KIRREL3: variants seen among roughly 807,000 people sequenced by gnomAD.
KIRREL3 encodes kin of IRRE-like protein 3.
Under a neutral mutation model 89.7 loss-of-function variants are expected in KIRREL3, and 36 were observed. The observed-to-expected ratio is 0.40, with a 90% CI of 0.31 to 0.53. The LOEUF (loss-of-function observed/expected upper bound fraction) is 0.53. Among genes scored for constraint, KIRREL3 ranks in the 20% least tolerant of loss-of-function variants. The probability of loss-of-function intolerance (pLI) is 0.49; values close to 1 mark genes in which losing one functional copy is unlikely to be tolerated. For synonymous variants in KIRREL3, 445 were observed against 441.4 expected (o/e 1.01, Z -0.10); for missense variants, 864 against 1,056.6 (o/e 0.82, Z 2.53).
rs76699027 is a variant in KIRREL3 at position 126,432,347 on chromosome 11, C to T, written c.1589-821G>A. 4.6e-5 allele frequency among the ~76,000 whole-genome samples: 7 copies of T among 152,232 alleles called. No homozygotes were observed. Among genetic ancestry groups the T allele is most frequent in the African/African-American group, 9.6e-5 (4 of 41,540 alleles). ...GGGACAGGGAGGGTAAGGATAGAGT[C>T]GGGGGTGATCTTCCACACAGCCTTG... On this transcript the variant is annotated intron_variant, in intron 13 of 16. Transcript: ENST00000525144. The surrounding 1 kb of genome is among the most constrained non-coding windows in gnomAD (Gnocchi z 6.2).
In KIRREL3 at chr11:126,571,664, T is replaced by A. The variant is rs1486565672; in HGVS notation, c.56-8752A>T. Among the ~76,000 whole-genome samples, 1 of 152,212 alleles carries A rather than the reference T, an allele frequency of 6.6e-6. No individual in the cohort carries two copies. The highest frequency in any genetic ancestry group is 1.9e-4 in the East Asian group (1 of 5,206). On this transcript the variant is annotated intron_variant, in intron 1 of 16. Transcript: ENST00000525144. This position sits in a 1 kb window ranked among gnomAD's most constrained non-coding sequence, Gnocchi z 7.7. ...CCGAGGATCCAAAAGGTTACAAAAC[T>A]TCCCCAAGGTCACATTGCTAGTAAG...
chr11:126,456,715 C>T (rs1956356868), intron 6 of KIRREL3, among the ~76,000 whole-genome samples: 1 of 152,146 alleles, frequency 6.6e-6, no homozygotes, highest in South Asian at 2.1e-4. Flanking sequence ...GGCTTGGGCC[C>T]AGGGGTTTCC....
In KIRREL3 at chr11:126,436,880, T is replaced by C. The variant is rs779805437; in HGVS notation, c.1483A>G (p.Thr495Ala). 6.2e-7 allele frequency: 1 copy of C among 1,613,566 alleles called. No individual in the cohort carries two copies. The highest frequency in any genetic ancestry group is 8.5e-7 in the Non-Finnish European group (1 of 1,179,868). Residue 495 changes from threonine to alanine, a missense_variant, in exon 12 of 17, where the codon ACC becomes GCC. Transcript: ENST00000525144. ...ISNIVRADFQ[T>A]IYNCTAWNSF... ...TTCCAGGCCGTGCAGTTGTAGATGGTCTGGAAGTCGGCCCGCACGATGTTG... is the reference window on the plus strand; with the variant it reads ...TTCCAGGCCGTGCAGTTGTAGATGGCCTGGAAGTCGGCCCGCACGATGTTG...
rs1440433049 is a variant in KIRREL3 at position 126,682,236 on chromosome 11, A to G, written c.56-119324T>C. 1.8e-5 allele frequency: 4 copies of G among 216,798 alleles called. No homozygotes were observed. The East Asian group carries it at 4.5e-4, about 24-fold the overall frequency. The allele number at this position is 216,798 out of a possible 1,614,324, so 13.4% of individuals were successfully genotyped here. ...AAGACTCAAAATCAATTGCTGAAAC[A>G]CTTCTTAAATGTGTTCCCTCCTATG... On this transcript the variant is annotated intron_variant, in intron 1 of 16. Transcript: ENST00000525144. This position sits in a 1 kb window ranked among gnomAD's most constrained non-coding sequence, Gnocchi z 4.8.
Position 126,574,619 on chromosome 11 carries a change from T to C in KIRREL3, c.56-11707A>G, listed in dbSNP as rs1284562561. Among the ~76,000 whole-genome samples, 2 of 152,166 alleles carry C rather than the reference T, an allele frequency of 1.3e-5. No homozygotes were observed. The highest frequency in any genetic ancestry group is 1.5e-5 in the Non-Finnish European group (1 of 68,022). On this transcript the variant is annotated intron_variant, in intron 1 of 16. Coordinates refer to ENST00000525144, the MANE Select transcript of KIRREL3 (RefSeq NM_032531.4). The surrounding 1 kb of genome is among the most constrained non-coding windows in gnomAD (Gnocchi z 5.3). ...CCAGAGAAGTGACCCCTTTTGGGGT[T>C]ATCCAATCTAGCAGCCCCACCAGAG... is the stretch of plus-strand genomic sequence containing the variant.
At position 126,485,680 on chromosome 11, in the gene KIRREL3, C is replaced by CAG. The variant is rs137880298; in HGVS notation, c.434-12216_434-12215dup. Among the ~76,000 whole-genome samples, 3,473 of 152,306 alleles carry CAG rather than the reference C, an allele frequency of 0.023. 140 individuals are homozygous for CAG. Among genetic ancestry groups the CAG allele is most frequent in the African/African-American group, 0.075 (3,101 of 41,530 alleles). ...TTTAATAAGTAACTCCACATGGGGG[C>CAG]AGAGTAGCATATTGCATGTGAAATG... is the stretch of plus-strand genomic sequence containing the variant. On this transcript the variant is annotated intron_variant, in intron 4 of 16. Transcript: ENST00000525144. This position sits in a 1 kb window ranked among gnomAD's most constrained non-coding sequence, Gnocchi z 5.8.
intron 1 of KIRREL3, among the ~76,000 whole-genome samples, chr11:126,602,471 C>G (rs574664011): frequency 5.3e-5 from 8 of 152,326 alleles, no homozygotes; most frequent in Non-Finnish European, 8.8e-5. Context: ...TCACTTGATC[C>G]TCACAACCAT....
intron 1 of KIRREL3, among the ~76,000 whole-genome samples, chr11:126,959,363 A>G (rs551032267): frequency 1.3e-5 from 2 of 152,296 alleles, no homozygotes; most frequent in Admixed American, 1.3e-4. Flanking sequence ...GAGTGTGCAC[A>G]CACACATACA....
intron 2 of KIRREL3, among the ~76,000 whole-genome samples, chr11:126,554,446 G>C (rs1051419268): frequency 6.6e-6 from 1 of 152,200 alleles, no homozygotes; most frequent in African/African-American, 2.4e-5. Context: ...AGTGCCCGCT[G>C]CCTGTGTTAC....
chr11:126,923,812 G>T (rs1377470468), intron 1 of KIRREL3, among the ~76,000 whole-genome samples: 1 of 152,114 alleles, frequency 6.6e-6, no homozygotes, highest in African/African-American at 2.4e-5. Context: ...CATAGAACAG[G>T]TTTCTCTACT....
rs1016930697 is a variant in KIRREL3 at position 126,843,900 on chromosome 11, G to C, written c.55+156555C>G. Among the ~76,000 whole-genome samples, 1 of 152,148 alleles carries C rather than the reference G, an allele frequency of 6.6e-6. No homozygotes were observed. The highest frequency in any genetic ancestry group is 1.5e-5 in the Non-Finnish European group (1 of 68,046). On this transcript the variant is annotated intron_variant, in intron 1 of 16. Transcript: ENST00000525144. This position sits in a 1 kb window ranked among gnomAD's most constrained non-coding sequence, Gnocchi z 4.6. Reference sequence around the variant, plus strand: ...AAGTTACCCTACCTGGGCTCAAAAGGGGAGGCATGAATAATCCCCTTGTTT... The same window carrying C: ...AAGTTACCCTACCTGGGCTCAAAAGCGGAGGCATGAATAATCCCCTTGTTT...
At chr11:126,787,275 C>T (rs1472246444) in intron 1 of KIRREL3, among the ~76,000 whole-genome samples, 2 of 152,046 alleles carry the variant, frequency 1.3e-5, no homozygotes, top group African/African-American at 4.8e-5. Context: ...AAGACATGGA[C>T]CAGAAAAAGA....
rs975862667 is a variant in KIRREL3, at chr11:126,519,484, A to G, written c.433+1831T>C. On this transcript the variant is annotated intron_variant, in intron 4 of 16. Transcript: ENST00000525144. This position sits in a 1 kb window ranked among gnomAD's most constrained non-coding sequence, Gnocchi z 4.3. ...TACGTTGGACTTTTTTACGTAACGT[A>G]GAGTTGAGAGGAAAGGAAGTGTAAT... is the stretch of plus-strand genomic sequence containing the variant. Among the ~76,000 whole-genome samples, 2 of 152,240 alleles carry G rather than the reference A, an allele frequency of 1.3e-5. No homozygotes were observed. Among genetic ancestry groups the G allele is most frequent in the African/African-American group, 4.8e-5 (2 of 41,458 alleles).
intron 1 of KIRREL3, among the ~76,000 whole-genome samples, chr11:126,907,415 C>T (rs556994273): frequency 2.0e-5 from 3 of 152,308 alleles, no homozygotes; most frequent in Middle Eastern, 6.8e-3. Flanking sequence ...AATTGAAAGG[C>T]AGGGTCATTT....
chr11:126,717,993 T>G (rs990739684), intron 1 of KIRREL3, among the ~76,000 whole-genome samples: 1 of 152,130 alleles, frequency 6.6e-6, no homozygotes, highest in Non-Finnish European at 1.5e-5. Flanking sequence ...GAACTCTACA[T>G]TTTTTCATTG....
rs1187860143 is a variant in KIRREL3 at position 126,445,019 on chromosome 11, A to G, written c.1212T>C (p.Arg404=). The stretch of plus-strand genomic sequence containing the variant: ...TCACCTCTCTCTCCCCGGCTCCCAC[A>G]CGGGGCACCACAGCCCGGCACACGT... ...GKYVCRAVVP[R]VGAGEREVTL... Residue 404 remains arginine, a synonymous_variant, in exon 10 of 17, where the codon CGT becomes CGC. Transcript: ENST00000525144. The G allele has an allele frequency of 4.3e-6, 7 of 1,613,702 alleles. No homozygotes were observed. The highest frequency in any genetic ancestry group is 5.9e-6 in the Non-Finnish European group (7 of 1,179,814).
intron 7 of KIRREL3, among the ~76,000 whole-genome samples, chr11:126,453,199 G>C (rs1168003482): frequency 6.6e-6 from 1 of 152,130 alleles, no homozygotes; most frequent in Non-Finnish European, 1.5e-5. Flanking sequence ...AGAATCAGGG[G>C]GGCTGGCGTG....
rs1417703438 is a variant in KIRREL3, at chr11:126,620,979, T to C, written c.56-58067A>G. Among the ~76,000 whole-genome samples, 6 of 152,180 alleles carry C rather than the reference T, an allele frequency of 3.9e-5. No homozygotes were observed. Among genetic ancestry groups the C allele is most frequent in the African/African-American group, 1.2e-4 (5 of 41,434 alleles). On this transcript the variant is annotated intron_variant, in intron 1 of 16. Coordinates refer to ENST00000525144, the MANE Select transcript of KIRREL3 (RefSeq NM_032531.4). The surrounding 1 kb of genome is among the most constrained non-coding windows in gnomAD (Gnocchi z 4.8). ...CTGTGTGCCTGACTTGCAGACTTCTTAAGAGCAGGGCACAGAGAGACTGGA... is the reference window on the plus strand; with the variant it reads ...CTGTGTGCCTGACTTGCAGACTTCTCAAGAGCAGGGCACAGAGAGACTGGA...
Position 126,427,728 on chromosome 11 carries a change from T to G in KIRREL3, c.1806+1451A>C, listed in dbSNP as rs1442695715. Among the ~76,000 whole-genome samples the G allele has an allele frequency of 6.6e-6, 1 of 152,008 alleles. No homozygotes were observed. Among genetic ancestry groups the G allele is most frequent in the Non-Finnish European group, 1.5e-5 (1 of 67,988 alleles). ...TGGGGAGCCACCGAGGGATTTTAAGTGGGCAAGTAACAGGACCAGATTTGC... is the reference window on the plus strand; with the variant it reads ...TGGGGAGCCACCGAGGGATTTTAAGGGGGCAAGTAACAGGACCAGATTTGC... On this transcript the variant is annotated intron_variant, in intron 15 of 16. Coordinates refer to ENST00000525144, the MANE Select transcript of KIRREL3 (RefSeq NM_032531.4). This position sits in a 1 kb window ranked among gnomAD's most constrained non-coding sequence, Gnocchi z 5.3.
Sources: allele counts gnomAD v4.1 joint callset (sites outside exome capture counted in the v4.1 genomes callset), GRCh38; gene constraint gnomAD v4.1.1; non-coding constraint Gnocchi (gnomAD v3.1); transcripts MANE v1.5; gene names NCBI Gene and HGNC (gene_info 2026-07-23, HGNC 2026-07-21).